CERS6: variants seen among roughly 807,000 people sequenced by gnomAD.
The protein encoded by CERS6 is LAG1 homolog, ceramide synthase 6.
Under a neutral mutation model 56.8 loss-of-function variants are expected in CERS6, and 26 were observed. The observed-to-expected ratio is 0.46, with a 90% CI of 0.34 to 0.63. The LOEUF is 0.63. Among genes scored for constraint, CERS6 ranks in the 30% least tolerant of loss-of-function variants. The pLI is 0.01. For missense variants in CERS6, 415 were observed against 467.5 expected (o/e 0.89, Z 1.04); for synonymous variants, 164 against 173.3 (o/e 0.95, Z 0.42).
chr2:168,582,588 G>T (rs747181371), intron 3 of CERS6, among the ~76,000 whole-genome samples: 1 of 152,008 alleles, frequency 6.6e-6, no homozygotes, highest in African/African-American at 2.4e-5. Context: ...AAAAAAACGC[G>T]TGCTATGCAA....
rs183727940 is a variant in CERS6 at position 168,693,068 on chromosome 2, A to T, written c.517-1891A>T. Among the ~76,000 whole-genome samples the T allele has an allele frequency of 6.2e-4, 95 of 152,312 alleles. No individual in the cohort carries two copies. The East Asian group carries it at 0.016, about 26-fold the overall frequency. On this transcript the variant is annotated intron_variant, in intron 5 of 9. Coordinates refer to ENST00000305747, the MANE Select transcript of CERS6 (RefSeq NM_203463.3). ...ATTAAATAATTTCATATACATGTGT[A>T]TATTCTAAGTTTAAAATAATGTGAA...
At chr2:168,572,252 A>C (rs1288114887) in intron 3 of CERS6, among the ~76,000 whole-genome samples, 1 of 152,190 alleles carries the variant, frequency 6.6e-6, no homozygotes, top group Non-Finnish European at 1.5e-5. Context: ...AGTGGGCATT[A>C]ATGCTGGCAG....
chr2:168,483,352 T>C (rs1401191574), intron 1 of CERS6, among the ~76,000 whole-genome samples: 2 of 152,088 alleles, frequency 1.3e-5, no homozygotes, highest in East Asian at 1.9e-4. Context: ...TGTGTGCTTA[T>C]TGGTTGACTC....
intron 2 of CERS6, among the ~76,000 whole-genome samples, chr2:168,558,059 A>G (rs962559873): frequency 3.9e-5 from 6 of 152,224 alleles, no homozygotes; most frequent in African/African-American, 1.4e-4. Flanking sequence ...CATAAAAAGG[A>G]AATTGAAACT....
At chr2:168,680,474 C>T (rs944084017) in intron 4 of CERS6, among the ~76,000 whole-genome samples, 1 of 152,136 alleles carries the variant, frequency 6.6e-6, no homozygotes, top group Non-Finnish European at 1.5e-5. Flanking sequence ...TGGCAGTTCC[C>T]TTCCTCCATC....
chr2:168,622,789 A>G (rs1389572625), intron 3 of CERS6, among the ~76,000 whole-genome samples: 1 of 152,240 alleles, frequency 6.6e-6, no homozygotes, highest in Non-Finnish European at 1.5e-5. Flanking sequence ...AGTTTCAGGA[A>G]ATGTTTGTCT....
At chr2:168,741,347 C>T (rs961503017) in intron 8 of CERS6, among the ~76,000 whole-genome samples, 58 of 144,748 alleles carry the variant, frequency 4.0e-4, no homozygotes, top group Non-Finnish European at 7.9e-4. Flanking sequence ...ACCAAGCAGG[C>T]AGTTATATGT....
At chr2:168,547,840 T>C in intron 2 of CERS6, 139 bp downstream of exon 2, 1 of 644,892 alleles carries the variant, frequency 1.6e-6, no homozygotes, top group African/African-American at 1.8e-5. Context: ...TCAGAAGGAA[T>C]GCAAGCGTAG....
intron 9 of CERS6, 141 bp from the exon 10 acceptor site, chr2:168,769,369 G>C: frequency 1.4e-6 from 1 of 704,260 alleles, no homozygotes; most frequent in Non-Finnish European, 2.3e-6. Context: ...GGAACTTATT[G>C]CTCTGGCAAT....
At chr2:168,568,041 A>C (rs1358544078) in intron 3 of CERS6, among the ~76,000 whole-genome samples, 1 of 152,230 alleles carries the variant, frequency 6.6e-6, no homozygotes, top group Non-Finnish European at 1.5e-5. Flanking sequence ...ATTTAGAACA[A>C]GCCTCACACA....
chr2:168,586,630 C>A (rs16855544), intron 3 of CERS6, among the ~76,000 whole-genome samples: 1,835 of 152,160 alleles, frequency 0.012, 30 homozygotes, highest in African/African-American at 0.04. Context: ...TCCATTTTTT[C>A]ATTTTATTGT....
At chr2:168,749,277 A>C (rs954569196) in intron 8 of CERS6, among the ~76,000 whole-genome samples, 1 of 152,152 alleles carries the variant, frequency 6.6e-6, no homozygotes, top group Admixed American at 6.6e-5. Flanking sequence ...CCTCTTCGCT[A>C]TCTGAATCCC....
At chr2:168,476,103 G>C (rs1443241740) in intron 1 of CERS6, among the ~76,000 whole-genome samples, 2 of 152,140 alleles carry the variant, frequency 1.3e-5, no homozygotes, top group Non-Finnish European at 2.9e-5. Context: ...GAGGTACAGA[G>C]AAAGAGTTGC....
At position 168,464,174 on chromosome 2, in the gene CERS6, T is replaced by TG. The variant is rs1573999569; in HGVS notation, c.170+7556_170+7557insG. Reference sequence around the variant, plus strand: ...TTCTCTGGTCACATATTTATACTTTTTGTGTGTGTGTGTGTGTGTGTGTGT... The same window carrying TG: ...TTCTCTGGTCACATATTTATACTTTTGTGTGTGTGTGTGTGTGTGTGTGTGT... On this transcript the variant is annotated intron_variant, in intron 1 of 9. Transcript: ENST00000305747. 7.2e-3 allele frequency among the ~76,000 whole-genome samples: 1,002 copies of TG among 139,786 alleles called. 8 individuals are homozygous for TG. Among genetic ancestry groups the TG allele is most frequent in the Middle Eastern group, 0.022 (6 of 274 alleles). The allele number at this position is 139,786 out of a possible 152,430, so 91.7% of individuals were successfully genotyped here.
chr2:168,486,178 C>T (rs957245805), intron 1 of CERS6, among the ~76,000 whole-genome samples: 1 of 151,922 alleles, frequency 6.6e-6, no homozygotes, highest in African/African-American at 2.4e-5. Flanking sequence ...ATTTTTTGCC[C>T]ATTCTTTCTT....
At chr2:168,464,880 C>A (rs1465923633) in intron 1 of CERS6, among the ~76,000 whole-genome samples, 3 of 152,148 alleles carry the variant, frequency 2.0e-5, no homozygotes, top group African/African-American at 7.2e-5. Flanking sequence ...AACAAAGAAA[C>A]AAACAGAATA....
chr2:168,589,563 C>G (rs966897486), intron 3 of CERS6, among the ~76,000 whole-genome samples: 3 of 152,174 alleles, frequency 2.0e-5, no homozygotes, highest in Non-Finnish European at 4.4e-5. Flanking sequence ...CCATGCATGC[C>G]TTCTAATTAA....
chr2:168,588,391 C>A lies in CERS6; in HGVS notation c.407+27069C>A, dbSNP rs144174255. Among the ~76,000 whole-genome samples the A allele has an allele frequency of 5.7e-3, 869 of 151,896 alleles. 11 individuals are homozygous for A. Among genetic ancestry groups the A allele is most frequent in the African/African-American group, 0.019 (782 of 41,320 alleles). ...TATCTTGCAAAACTGAAATTTTATA[C>A]CCATTAAACACTTAATTTCCCATTT... On this transcript the variant is annotated intron_variant, in intron 3 of 9. Transcript: ENST00000305747.
At chr2:168,763,413 T>A (rs1192492403) in intron 8 of CERS6, among the ~76,000 whole-genome samples, 2 of 150,614 alleles carry the variant, frequency 1.3e-5, no homozygotes, top group Admixed American at 6.6e-5. Context: ...CTCGGCTGAT[T>A]TTTTATTTTT....
Sources: gnomAD v4.1 joint callset for allele counts (sites outside exome capture counted in the v4.1 genomes callset) on GRCh38, gnomAD v4.1.1 for gene constraint, MANE v1.5 for transcripts, NCBI Gene and HGNC (gene_info 2026-07-23, HGNC 2026-07-21) for gene names.